Variants in PPP6R1 observed in about 807,000 individuals in gnomAD.
PPP6R1 encodes the protein serine/threonine-protein phosphatase 6 regulatory subunit 1.
PPP6R1 carries 39 observed loss-of-function variants against 104.6 expected under a neutral mutation model. That is an observed-to-expected ratio of 0.37 (90% CI 0.29 to 0.49). The LOEUF is 0.49. Among genes scored for constraint, PPP6R1 ranks in the 20% least tolerant of loss-of-function variants. The probability of loss-of-function intolerance (pLI) is 0.98; values close to 1 mark genes in which losing one functional copy is unlikely to be tolerated. For missense variants in PPP6R1, 1,181 were observed against 1,155.8 expected (o/e 1.02, Z -0.32); for synonymous variants, 549 against 479.0 (o/e 1.15, Z -1.91).
chr19:55,247,674 C>T (rs1490663565), intron 1 of PPP6R1, among the ~76,000 whole-genome samples: 1 of 152,204 alleles, frequency 6.6e-6, no homozygotes, highest in African/African-American at 2.4e-5. Context: ...GCAAATCCCC[C>T]AAGGCTACGT....
chr19:55,228,334 A>C (rs2122467184), downstream of PPP6R1: 1 of 1,613,896 alleles, frequency 6.2e-7, no homozygotes, highest in Non-Finnish European at 8.5e-7. Context: ...CAGGCACTTG[A>C]CCAGGGCAGC....
At chr19:55,237,218 T>G (rs981670684) in intron 15 of PPP6R1, among the ~76,000 whole-genome samples, 4 of 152,160 alleles carry the variant, frequency 2.6e-5, no homozygotes, top group Non-Finnish European at 1.5e-5. Flanking sequence ...TTCCCTTGGC[T>G]CTAGAAGTGA....
chr19:55,255,041 G>A (rs868221905), intron 1 of PPP6R1, among the ~76,000 whole-genome samples: 2 of 152,208 alleles, frequency 1.3e-5, no homozygotes, highest in Non-Finnish European at 2.9e-5. Context: ...AGCGGCCCAA[G>A]GCCCAACAAG....
At chr19:55,252,131 TGAAAG>T (rs2087558294) in intron 1 of PPP6R1, among the ~76,000 whole-genome samples, 1 of 152,158 alleles carries the variant, frequency 6.6e-6, no homozygotes, top group South Asian at 2.1e-4. Context: ...GCGAAGTTCC[TGAAAG>T]GAAAGGGTGA....
chr19:55,241,128 G>C lies in PPP6R1; in HGVS notation c.1162-49C>G. 6.6e-7 allele frequency: 1 copy of C among 1,512,364 alleles called. No individual in the cohort carries two copies. The highest frequency in any genetic ancestry group is 8.9e-7 in the Non-Finnish European group (1 of 1,129,292). The allele number at this position is 1,512,364 out of a possible 1,614,324, so 93.7% of individuals were successfully genotyped here. A position where few individuals can be genotyped will look rare whatever the true frequency, so the allele number is the denominator to read the frequency against. On this transcript the variant is annotated intron_variant, in intron 9 of 23. Transcript: ENST00000412770. The surrounding 1 kb of genome is among the most constrained non-coding windows in gnomAD (Gnocchi z 5.4). ...ACCAGAGAGGCCCCGCCCCAGCCGA[G>C]CCCCCAACCCCTGAGCCCCCAGCCG...
At chr19:55,244,968 G>T (rs1297906283) in intron 5 of PPP6R1, among the ~76,000 whole-genome samples, 152 bp downstream of exon 5, 1 of 152,086 alleles carries the variant, frequency 6.6e-6, no homozygotes, top group African/African-American at 2.4e-5. Context: ...AAACTCATGG[G>T]CTCAAGTAAT....
chr19:55,238,455 C>A (rs563931270), intron 15 of PPP6R1, among the ~76,000 whole-genome samples: 5 of 152,152 alleles, frequency 3.3e-5, no homozygotes, highest in African/African-American at 1.2e-4. Flanking sequence ...CACACACTAA[C>A]CAGCTATGTC....
chr19:55,245,220 C>T lies in PPP6R1; in HGVS notation c.553-35G>A. ...AGAAGGCGAGGGATGCATCGCTGTC[C>T]ACCACGCCCAGCCCCCCACCCCCAG... On this transcript the variant is annotated intron_variant, in intron 4 of 23. Coordinates refer to ENST00000412770, the MANE Select transcript of PPP6R1 (RefSeq NM_014931.4). This position sits in a 1 kb window ranked among gnomAD's most constrained non-coding sequence, Gnocchi z 6.4. The T allele has an allele frequency of 1.2e-6, 2 of 1,606,346 alleles. No homozygotes were observed. Among genetic ancestry groups the T allele is most frequent in the Non-Finnish European group, 8.5e-7 (1 of 1,176,676 alleles).
At chr19:55,250,780 C>T (rs1262275379) in intron 1 of PPP6R1, among the ~76,000 whole-genome samples, 2 of 152,130 alleles carry the variant, frequency 1.3e-5, no homozygotes, top group African/African-American at 2.4e-5. Flanking sequence ...CCTCCCCAAA[C>T]ATAACCATCC....
intron 5 of PPP6R1, among the ~76,000 whole-genome samples, chr19:55,244,030 T>G (rs1002154749): frequency 6.6e-6 from 1 of 152,044 alleles, no homozygotes; most frequent in African/African-American, 2.4e-5. Flanking sequence ...CTTCGGTGGG[T>G]GAGTGGTATG....
intron 15 of PPP6R1, among the ~76,000 whole-genome samples, 170 bp from the exon 16 acceptor site, chr19:55,237,140 T>C (rs1003207059): frequency 6.6e-6 from 1 of 152,212 alleles, no homozygotes; most frequent in Non-Finnish European, 1.5e-5. Context: ...GGGCAACGCA[T>C]ACATGAATAT....
In PPP6R1 at chr19:55,239,476, G is replaced by A. The variant is rs2087429780; in HGVS notation, c.1680C>T (p.Arg560=). The part of the protein sequence containing the change: ...QQAFMDFQMQ[R]MTSAFIDHFG... Reference sequence around the variant, plus strand: ...AGTGGTCAATGAAGGCAGAGGTCATGCGCTGCATCTGGAAGTCCATGAAGG... The same window carrying A: ...AGTGGTCAATGAAGGCAGAGGTCATACGCTGCATCTGGAAGTCCATGAAGG... Residue 560 remains arginine, a synonymous_variant, in exon 15 of 24, where the codon CGC becomes CGT. Transcript: ENST00000412770. The A allele has an allele frequency of 6.2e-7, 1 of 1,613,902 alleles. No individual in the cohort carries two copies. Among genetic ancestry groups the A allele is most frequent in the African/African-American group, 1.3e-5 (1 of 74,930 alleles).
At chr19:55,233,831 C>T (rs181722795) in intron 17 of PPP6R1, among the ~76,000 whole-genome samples, 2 of 152,342 alleles carry the variant, frequency 1.3e-5, no homozygotes, top group Admixed American at 1.3e-4. Context: ...CGCAAGGTGG[C>T]TTCTTGGTTG....
rs754780019 is a variant in PPP6R1, at chr19:55,236,763, T to C, written c.1868A>G (p.Asp623Gly). Residue 623 changes from aspartate (D) to glycine (G), a missense_variant, in exon 17 of 24, where the codon GAT becomes GGT. Physicochemically the swap from Asp to Gly is moderately conservative, Grantham distance 94 (BLOSUM62 -1). Transcript: ENST00000412770. ...CTCTTCCTCGTCCTCCTCTTCCTCA[T>C]CATCATCAAACTGCTGGATGCGGTC... Reference protein sequence around the residue: ...YKDRIQQFDDDEEEEDEEEAQ... With the variant: ...YKDRIQQFDDGEEEEDEEEAQ... The C allele has an allele frequency of 6.2e-6, 10 of 1,613,820 alleles. No individual in the cohort carries two copies. The highest frequency in any genetic ancestry group is 7.6e-6 in the Non-Finnish European group (9 of 1,179,888).
chr19:55,231,502 T>C lies in PPP6R1; in HGVS notation c.2378-11A>G, dbSNP rs1288262029. On this transcript the variant is annotated splice_polypyrimidine_tract_variant and intron_variant, in intron 20 of 23. Transcript: ENST00000412770. ...AGGCCTGGCAAGGGGCTGTGGGGGATAAGAGATCTCAGCTGCAGCTCCCAG... is the reference window on the plus strand; with the variant it reads ...AGGCCTGGCAAGGGGCTGTGGGGGACAAGAGATCTCAGCTGCAGCTCCCAG... 2 of 1,603,804 alleles carry C rather than the reference T, an allele frequency of 1.2e-6. No individual in the cohort carries two copies. The highest frequency in any genetic ancestry group is 1.1e-5 in the South Asian group (1 of 89,246).
intron 1 of PPP6R1, among the ~76,000 whole-genome samples, chr19:55,258,010 C>G (rs1181962460): frequency 6.6e-6 from 1 of 152,210 alleles, no homozygotes. Flanking sequence ...GGAGGCTGCG[C>G]CACGGAAGAG....
intron 1 of PPP6R1, among the ~76,000 whole-genome samples, chr19:55,248,523 G>A (rs1296937570): frequency 6.6e-6 from 1 of 152,224 alleles, no homozygotes; most frequent in African/African-American, 2.4e-5. Flanking sequence ...AGAGGCCAAG[G>A]GTGCCTCTCC....
chr19:55,250,031 G>T (rs1003501034), intron 1 of PPP6R1, among the ~76,000 whole-genome samples: 1 of 152,166 alleles, frequency 6.6e-6, no homozygotes, highest in Non-Finnish European at 1.5e-5. Flanking sequence ...GTGCTCCTGG[G>T]GCTGCCACTT....
rs1181816870 is a variant in PPP6R1 at position 55,236,978 on chromosome 19, A to G, written c.1752-8T>C. 6.2e-7 allele frequency: 1 copy of G among 1,607,988 alleles called. No individual in the cohort carries two copies. The highest frequency in any genetic ancestry group is 1.3e-5 in the African/African-American group (1 of 74,762). ...GTCTTGTCAAAAGGTGCGCTAGGAG[A>G]GAAGGCAAGGCATGGTGAGAAGGTC... On this transcript the variant is annotated splice_region_variant and splice_polypyrimidine_tract_variant and intron_variant, in intron 15 of 23. Transcript: ENST00000412770.
Sources: gnomAD v4.1 joint callset for allele counts (sites outside exome capture counted in the v4.1 genomes callset) on GRCh38, gnomAD v4.1.1 for gene constraint, Gnocchi (gnomAD v3.1) non-coding constraint, MANE v1.5 for transcripts, NCBI Gene and HGNC (gene_info 2026-07-23, HGNC 2026-07-21) for gene names.